The following SEMA4C variants were observed in gnomAD, a reference collection of about 807,000 sequenced individuals.
SEMA4C encodes the protein semaphorin 4C, also known as semaphorin-4C.
Under a neutral mutation model 89.0 loss-of-function variants are expected in SEMA4C, and 19 were observed. That is an observed-to-expected ratio of 0.21 (90% CI 0.15 to 0.31). The LOEUF is 0.31. Among genes scored for constraint, SEMA4C ranks in the 10% least tolerant of loss-of-function variants. SEMA4C has a pLI of 1.00. For synonymous variants in SEMA4C, 428 were observed against 472.7 expected, an observed-to-expected ratio of 0.91 and a Z score of 1.23; for missense variants, 811 against 1,107.0, an observed-to-expected ratio of 0.73 and a Z score of 3.79.
Position 96,865,042 on chromosome 2 carries a change from G to A in SEMA4C, c.708C>T (p.Tyr236=). Reference sequence around the variant, plus strand: ...CCACTGCCCGCTCCCTGAAGAAGAAGTAGACCTTGTCGTCGTCCCCCGTGA... The same window carrying A: ...CCACTGCCCGCTCCCTGAAGAAGAAATAGACCTTGTCGTCGTCCCCCGTGA... ...GSFTGDDDKV[Y]FFFRERAVES... The change falls in exon 8 of 15, where the codon TAC becomes TAT. Residue 236 remains tyrosine, a synonymous_variant. Transcript: ENST00000305476. The A allele has an allele frequency of 1.3e-6, 2 of 1,557,088 alleles. No homozygotes were observed. The highest frequency in any genetic ancestry group is 1.7e-6 in the Non-Finnish European group (2 of 1,150,070).
chr2:96,862,202 A>G, intron 12 of SEMA4C: 1 of 350,382 alleles, frequency 2.9e-6, no homozygotes, highest in Non-Finnish European at 5.3e-6. Flanking sequence ...ACACACACAT[A>G]GTGCAGGAAA....
rs1163691481 is a variant in SEMA4C, at chr2:96,860,993, G to A, written c.2135C>T (p.Pro712Leu). The A allele has an allele frequency of 6.2e-7, 1 of 1,612,924 alleles. No individual in the cohort carries two copies. The highest frequency in any genetic ancestry group is 1.3e-5 in the African/African-American group (1 of 75,020). Reference protein sequence around the residue: ...ERTLVYPLELPKEPTSPPFRP... With the variant: ...ERTLVYPLELLKEPTSPPFRP... ...GAAGGGGGGACTGGTGGGCTCCTTG[G>A]GCAGCTCCAGGGGGTACACCAAGGT... The change falls in exon 15 of 15, where the codon CCC becomes CTC. Residue 712 changes from proline to leucine, a missense_variant. Pro to Leu is a moderately conservative substitution (Grantham distance 98). Around this residue, in one of 4 missense-constraint regions of SEMA4C, gnomAD observed 248 missense variants for 269.0 expected, o/e 0.92. Transcript: ENST00000305476.
At chr2:96,870,268 C>T (rs971678241), upstream of SEMA4C, 15 of 985,386 alleles carry the variant, frequency 1.5e-5, no homozygotes, top group East Asian at 1.1e-4. Flanking sequence ...TCAACCCCTC[C>T]GGGTGTCCAG....
chr2:96,869,005 C>T (rs2080146473), intron 1 of SEMA4C: 3 of 985,320 alleles, frequency 3.0e-6, no homozygotes, highest in African/African-American at 3.5e-5. Context: ...TCCCGGGTCC[C>T]CCCGGGTTCT....
chr2:96,870,452 G>A (rs905449672), upstream of SEMA4C: 26 of 920,616 alleles, frequency 2.8e-5, 1 homozygote, highest in African/African-American at 4.6e-4. Context: ...CCGTGCAGTT[G>A]CAGGAACGAC....
In SEMA4C at chr2:96,861,508, G is replaced by A. The variant is rs1191608572; in HGVS notation, c.1673-53C>T. On this transcript the variant is annotated intron_variant, in intron 14 of 14. Transcript: ENST00000305476. The surrounding 1 kb of genome is among the most constrained non-coding windows in gnomAD (Gnocchi z 7.8). The stretch of plus-strand genomic sequence containing the variant: ...TGTTAGTGCAGGAAAGCAGGGCTGG[G>A]GAAGAGGAGAACAGAAACTCCAGCT... 6.2e-7 allele frequency: 1 copy of A among 1,609,044 alleles called. No homozygotes were observed. Among genetic ancestry groups the A allele is most frequent in the South Asian group, 1.1e-5 (1 of 90,938 alleles).
At chr2:96,865,816 G>A (rs577212897) in intron 4 of SEMA4C, 51 bp downstream of exon 4, 3 of 1,613,452 alleles carry the variant, frequency 1.9e-6, no homozygotes, top group Non-Finnish European at 1.7e-6. Flanking sequence ...CAGAATGGGA[G>A]GAGACGTCCT....
At chr2:96,862,156 G>C (rs2079962353) in intron 12 of SEMA4C, 3 of 487,068 alleles carry the variant, frequency 6.2e-6, no homozygotes, top group Non-Finnish European at 1.1e-5. Context: ...AGGGATGATG[G>C]GGCTGTGAGG....
At chr2:96,868,052 C>A in intron 1 of SEMA4C, 129 bp from the exon 2 acceptor site, 1 of 1,269,418 alleles carries the variant, frequency 7.9e-7, no homozygotes, top group Non-Finnish European at 1.1e-6. Context: ...TTCCCCTTCT[C>A]TTTGGAGGTG....
chr2:96,870,251 C>T (rs2080174358), upstream of SEMA4C: 15 of 985,394 alleles, frequency 1.5e-5, no homozygotes, highest in Non-Finnish European at 1.7e-5. Context: ...CTCTGGGTGC[C>T]CGGACCTCAA....
rs1321069191 is a variant in SEMA4C at position 96,860,699 on chromosome 2, G to A, written c.2429C>T (p.Ala810Val). 7 of 1,613,406 alleles carry A rather than the reference G, an allele frequency of 4.3e-6. No homozygotes were observed. The highest frequency in any genetic ancestry group is 3.3e-5 in the South Asian group (3 of 91,072). ...CTGCAGTTTGCGTCTCAGTTCATCC[G>A]CGAGCTCAGGCAGGGGGTGCCCGAG... ...GGLGHPLPELADELRRKLQQR... is the reference protein window; with the variant it reads ...GGLGHPLPELVDELRRKLQQR... Residue 810 changes from alanine to valine, a missense_variant, in exon 15 of 15, where the codon GCG (alanine) becomes GTG (valine). Coordinates refer to ENST00000305476, the MANE Select transcript of SEMA4C (RefSeq NM_017789.5).
chr2:96,863,871 C>G, intron 11 of SEMA4C, 55 bp downstream of exon 11: 1 of 1,597,042 alleles, frequency 6.3e-7, no homozygotes, highest in Non-Finnish European at 8.6e-7. Flanking sequence ...CTGCCCTGGG[C>G]ACACGGGCTT....
intron 2 of SEMA4C, among the ~76,000 whole-genome samples, chr2:96,867,556 G>A (rs143767016): frequency 1.3e-5 from 2 of 152,292 alleles, no homozygotes; most frequent in Non-Finnish European, 1.5e-5. Context: ...CGAGGCAGAA[G>A]GCTCTCCCCC....
upstream of SEMA4C, chr2:96,870,740 C>T: frequency 2.0e-6 from 2 of 985,498 alleles, no homozygotes; most frequent in Non-Finnish European, 2.4e-6. Context: ...GGCTGATTAA[C>T]AAGTGGCATG....
chr2:96,860,288 GCACA>G lies in SEMA4C; in HGVS notation c.*334_*337del, dbSNP rs1292488705. On this transcript the variant is annotated 3_prime_UTR_variant, in exon 15 of 15. Transcript: ENST00000305476. ...CTATGCCACAAGCGCGCACGCGCGT[GCACA>G]CACACATACACACACACACAAACAC... 1.0e-5 allele frequency: 3 copies of G among 299,722 alleles called. No homozygotes were observed. The highest frequency in any genetic ancestry group is 2.2e-5 in the African/African-American group (1 of 46,210). The allele number at this position is 299,722 out of a possible 1,614,324, so 18.6% of individuals were successfully genotyped here.
rs776250849 is a variant in SEMA4C, at chr2:96,864,433, C to T, written c.963-51G>A. Reference sequence around the variant, plus strand: ...GTCAGGTACCCACCTTATCTCTTCCCACCCCAGCTAAGGGCAAGCAGCAGG... The same window carrying T: ...GTCAGGTACCCACCTTATCTCTTCCTACCCCAGCTAAGGGCAAGCAGCAGG... On this transcript the variant is annotated intron_variant, in intron 9 of 14. Coordinates refer to ENST00000305476, the MANE Select transcript of SEMA4C (RefSeq NM_017789.5). The surrounding 1 kb of genome is among the most constrained non-coding windows in gnomAD (Gnocchi z 6.3). 225 of 1,605,346 alleles carry T rather than the reference C, an allele frequency of 1.4e-4. No homozygotes were observed. The highest frequency in any genetic ancestry group is 1.7e-4 in the Non-Finnish European group (197 of 1,178,304).
chr2:96,869,643 C>A (rs2153366121), intron 1 of SEMA4C: 7 of 985,244 alleles, frequency 7.1e-6, no homozygotes, highest in Non-Finnish European at 7.2e-6. Context: ...CGCGCCCCTC[C>A]GGCCCCGGGG....
Position 96,861,079 on chromosome 2 carries a change from CA to C in SEMA4C, c.2048del (p.Val683GlyfsTer63). 1 of 1,612,738 alleles carries C rather than the reference CA, an allele frequency of 6.2e-7. No homozygotes were observed. Among genetic ancestry groups the C allele is most frequent in the Non-Finnish European group, 8.5e-7 (1 of 1,179,978 alleles). On this transcript the variant is annotated frameshift_variant, in exon 15 of 15. Transcript: ENST00000305476. LOFTEE classifies it high-confidence loss of function. The surrounding 1 kb of genome is among the most constrained non-coding windows in gnomAD (Gnocchi z 7.8). ...CCCGCAGCCGCCGGCGCAATGACAG[CA>C]CCAGCAGCAGCAGCACCAGGCACAC... ...GAVCLVLLLL[V>X]LSLRRRLREE...
rs569763831 is a variant in SEMA4C at position 96,863,596 on chromosome 2, T to C, written c.1443+86A>G. 2.5e-5 allele frequency: 35 copies of C among 1,400,734 alleles called. No homozygotes were observed. In the East Asian group the frequency reaches 6.7e-4, roughly 27 times the overall value. The allele number at this position is 1,400,734 out of a possible 1,614,324, so 86.8% of individuals were successfully genotyped here. Reference sequence around the variant, plus strand: ...CCTAACTCTGCACTGGCCAAGCACATAGGCCCAACTGGGAGAAGCAGCCAG... The same window carrying C: ...CCTAACTCTGCACTGGCCAAGCACACAGGCCCAACTGGGAGAAGCAGCCAG... On this transcript the variant is annotated intron_variant, in intron 12 of 14. Transcript: ENST00000305476.
Sources: gnomAD v4.1 joint callset for allele counts (sites outside exome capture counted in the v4.1 genomes callset) on GRCh38, gnomAD v4.1.1 for gene constraint, gnomAD v4.1.1 regional missense constraint, Gnocchi (gnomAD v3.1) non-coding constraint, MANE v1.5 for transcripts, NCBI Gene and HGNC (gene_info 2026-07-23, HGNC 2026-07-21) for gene names.